Variants in CFH observed in about 807,000 individuals in gnomAD.
The protein encoded by CFH is complement factor H.
In CFH, 53 loss-of-function variants were observed where a neutral mutation model predicts 147.3. The observed-to-expected ratio is 0.36, with a 90% CI of 0.29 to 0.45. CFH has a LOEUF of 0.45. Ranked by LOEUF, CFH falls within the 20% of genes least tolerant of loss-of-function variation. The pLI is 1.00. For synonymous variants in CFH, 536 were observed against 489.4 expected, an observed-to-expected ratio of 1.10 and a Z score of -1.26; for missense variants, 1,380 against 1,498.0, an observed-to-expected ratio of 0.92 and a Z score of 1.30.
chr1:196,745,930 T>C lies in CFH; in HGVS notation c.3424T>C (p.Tyr1142His), dbSNP rs753672388. The change falls in exon 21 of 22, where the codon TAT (tyrosine) becomes CAT (histidine). Residue 1142 changes from tyrosine (Y) to histidine (H), a missense_variant. Physicochemically the swap from Tyr to His is moderately conservative, Grantham distance 83. This residue lies in a region of CFH where 123 missense variants were observed against 185.3 expected (regional missense o/e 0.66). Transcript: ENST00000367429. ...SSVEYQCQNL[Y>H]QLEGNKRITC... ...AGTTGAGTACCAATGCCAGAACTTG[T>C]ATCAACTTGAGGGTAACAAGCGAAT... 1 of 1,613,998 alleles carries C rather than the reference T, an allele frequency of 6.2e-7. No homozygotes were observed. The highest frequency in any genetic ancestry group is 1.3e-5 in the African/African-American group (1 of 74,908).
In CFH at chr1:196,736,927, C is replaced by T. The variant is rs1362306576; in HGVS notation, c.2517C>T (p.Cys839=). Residue 839 remains cysteine (C), a synonymous_variant, in exon 16 of 22, where the codon TGC becomes TGT. Transcript: ENST00000367429. ...ATGGAGAAAAAGTATCTGTTCTTTG[C>T]CAAGAAAATTATCTAATTCAGGAAG... ...YRDGEKVSVL[C]QENYLIQEGE... 6.2e-7 allele frequency: 1 copy of T among 1,611,324 alleles called. No homozygotes were observed. Among genetic ancestry groups the T allele is most frequent in the South Asian group, 1.1e-5 (1 of 90,896 alleles).
At chr1:196,676,434 A>T (rs1471333103) in intron 4 of CFH, among the ~76,000 whole-genome samples, 1 of 152,068 alleles carries the variant, frequency 6.6e-6, no homozygotes, top group Non-Finnish European at 1.5e-5. Context: ...AAATGCAGGG[A>T]TCTATGGTAA....
rs1219254054 is a variant in CFH, at chr1:196,684,960, T to C, written c.791-104T>C. ...TTCATTTTAATGCCATTTTGTATTA[T>C]GCTAAGGACAAATAAATAACACCCA... On this transcript the variant is annotated intron_variant, in intron 6 of 21. Coordinates refer to ENST00000367429, the MANE Select transcript of CFH (RefSeq NM_000186.4). The C allele has an allele frequency of 1.7e-5, 15 of 874,250 alleles. No homozygotes were observed. The Admixed American group carries it at 2.7e-4, about 15-fold the overall frequency. 54.2% of individuals were successfully genotyped at this position (874,250 alleles called of 1,614,324 possible). A position where few individuals can be genotyped will look rare whatever the true frequency, so the allele number is the denominator to read the frequency against.
chr1:196,679,577 C>T (rs756734009), intron 5 of CFH, 46 bp from the exon 6 acceptor site: 1 of 1,397,204 alleles, frequency 7.2e-7, no homozygotes. Context: ...GGTCACAGTC[C>T]TTTAATTTGC....
At chr1:196,663,545 A>T (rs150195743) in intron 1 of CFH, among the ~76,000 whole-genome samples, 21 of 152,320 alleles carry the variant, frequency 1.4e-4, no homozygotes, top group African/African-American at 4.6e-4. Context: ...TCCAATATCA[A>T]ATATCTATTT....
At chr1:196,670,235 T>C (rs148640834) in intron 1 of CFH, among the ~76,000 whole-genome samples, 2 of 152,272 alleles carry the variant, frequency 1.3e-5, no homozygotes, top group South Asian at 2.1e-4. Context: ...GATGAGACTT[T>C]GGACATGGAC....
chr1:196,680,755 T>C (rs1488788994), intron 6 of CFH, among the ~76,000 whole-genome samples: 1 of 151,858 alleles, frequency 6.6e-6, no homozygotes, highest in Admixed American at 6.6e-5. Context: ...AATCCCATGA[T>C]TCATAAATAC....
chr1:196,729,748 T>C (rs1669237498), intron 15 of CFH, among the ~76,000 whole-genome samples: 1 of 152,034 alleles, frequency 6.6e-6, no homozygotes, highest in African/African-American at 2.4e-5. Context: ...AACATTTTAT[T>C]ACTGACTTAA....
chr1:196,682,386 T>C (rs571141923), intron 6 of CFH, among the ~76,000 whole-genome samples: 3 of 151,892 alleles, frequency 2.0e-5, no homozygotes, highest in South Asian at 2.1e-4. Context: ...AATAACATGA[T>C]GTATTTTTAA....
intron 1 of CFH, among the ~76,000 whole-genome samples, chr1:196,656,548 T>C (rs1249324768): frequency 6.6e-6 from 1 of 152,174 alleles, no homozygotes; most frequent in Non-Finnish European, 1.5e-5. Flanking sequence ...TTCCACAGGC[T>C]GTCCATAATC....
intron 1 of CFH, among the ~76,000 whole-genome samples, chr1:196,653,361 A>C (rs1666570394): frequency 6.6e-6 from 1 of 151,850 alleles, no homozygotes; most frequent in African/African-American, 2.4e-5. Context: ...TAGTATTTTA[A>C]AATGAAACCT....
At chr1:196,677,730 T>C in intron 5 of CFH, 63 bp downstream of exon 5, 4 of 1,431,442 alleles carry the variant, frequency 2.8e-6, no homozygotes, top group Non-Finnish European at 3.9e-6. Flanking sequence ...ATTTAAAACA[T>C]CGTTCATTCT....
intron 15 of CFH, among the ~76,000 whole-genome samples, chr1:196,736,105 G>A (rs147332390): frequency 9.2e-5 from 14 of 151,934 alleles, no homozygotes; most frequent in Admixed American, 3.9e-4. Context: ...CTGATGTATC[G>A]CAGTTTAACA....
intron 1 of CFH, among the ~76,000 whole-genome samples, chr1:196,657,673 G>A (rs12746361): frequency 2.0e-5 from 3 of 152,042 alleles, no homozygotes; most frequent in African/African-American, 4.8e-5. Context: ...ACCTATTTTT[G>A]CTATTTCTGT....
At chr1:196,740,833 CTTCA>C (rs759472696) in intron 18 of CFH, 41 bp downstream of exon 18, 39 of 1,580,622 alleles carry the variant, frequency 2.5e-5, no homozygotes, top group Non-Finnish European at 3.3e-5. Flanking sequence ...GATAAATATT[CTTCA>C]TTCAAAGTGT....
intron 11 of CFH, among the ~76,000 whole-genome samples, chr1:196,718,345 G>A (rs1668920843): frequency 6.6e-6 from 1 of 152,132 alleles, no homozygotes; most frequent in Non-Finnish European, 1.5e-5. Context: ...GAAGGAACTG[G>A]AGATCTGTTT....
rs1157967976 is a variant in CFH, at chr1:196,743,461, G to A, written c.3143G>A (p.Cys1048Tyr). The A allele has an allele frequency of 6.2e-7, 1 of 1,613,856 alleles. No individual in the cohort carries two copies. The highest frequency in any genetic ancestry group is 1.3e-5 in the African/African-American group (1 of 74,912). ...TTTTTTTTCTATTCAGACACCTCCT[G>A]TGTGAATCCGCCCACAGTACAAAAT... ...TGRPTCRDTS[C>Y]VNPPTVQNAY... The change falls in exon 20 of 22, where the codon TGT becomes TAT. Residue 1048 changes from cysteine (C) to tyrosine (Y), a missense_variant. Physicochemically the swap from Cys to Tyr is radical, Grantham distance 194. This residue lies in a region of CFH where 830 missense variants were observed against 821.4 expected (regional missense o/e 1.01). Coordinates refer to ENST00000367429, the MANE Select transcript of CFH (RefSeq NM_000186.4).
rs1667949745 is a variant in CFH at position 196,689,463 on chromosome 1, T to C, written c.1008T>C (p.Tyr336=). 6.2e-7 allele frequency: 1 copy of C among 1,613,456 alleles called. No individual in the cohort carries two copies. Residue 336 remains tyrosine, a synonymous_variant, in exon 8 of 22, where the codon TAT becomes TAC. Transcript: ENST00000367429. The stretch of plus-strand genomic sequence containing the variant: ...CAGACATTAAACATGGAGGTCTATA[T>C]CATGAGAATATGCGTAGACCATACT... The part of the protein sequence containing the change: ...DYPDIKHGGL[Y]HENMRRPYFP...
Position 196,726,875 on chromosome 1 carries a change from C to T in CFH, c.2171C>T (p.Thr724Ile). The T allele has an allele frequency of 6.2e-7, 1 of 1,613,434 alleles. No homozygotes were observed. The highest frequency in any genetic ancestry group is 2.2e-5 in the East Asian group (1 of 44,844). Residue 724 changes from threonine to isoleucine, a missense_variant, in exon 14 of 22, where the codon ACA becomes ATA. This residue lies in a region of CFH where 830 missense variants were observed against 821.4 expected (regional missense o/e 1.01). Transcript: ENST00000367429. ...SVEFNCSESF[T>I]MIGHRSITCI... The stretch of plus-strand genomic sequence containing the variant: ...GAATTCAATTGCTCAGAATCATTTA[C>T]AATGATTGGACACAGATCAATTACG...
Sources: allele counts gnomAD v4.1 joint callset (sites outside exome capture counted in the v4.1 genomes callset), GRCh38; gene constraint gnomAD v4.1.1; regional missense constraint gnomAD v4.1.1; transcripts MANE v1.5; gene names NCBI Gene and HGNC (gene_info 2026-07-23, HGNC 2026-07-21).